The following DHX36 variants were observed in gnomAD, a reference collection of about 807,000 sequenced individuals.
DHX36 encodes the protein ATP-dependent DNA/RNA helicase DHX36.
A neutral mutation model predicts 139.0 loss-of-function variants in DHX36; 50 were observed. The ratio of observed to expected loss-of-function variants is 0.36; its 90% CI spans 0.29 to 0.46. The LOEUF is 0.46. DHX36 is among the 20% of genes least tolerant of loss of function. The probability of loss-of-function intolerance (pLI) is 1.00; values close to 1 mark genes in which losing one functional copy is unlikely to be tolerated. For missense variants in DHX36, 1,024 were observed against 1,211.3 expected (o/e 0.85, Z 2.29); for synonymous variants, 425 against 401.9 (o/e 1.06, Z -0.69).
chr3:154,320,210 A>G lies in DHX36; in HGVS notation c.243+3964T>C, dbSNP rs112804384. Among the ~76,000 whole-genome samples, 742 of 152,202 alleles carry G rather than the reference A, an allele frequency of 4.9e-3. 5 individuals carry two copies. Among genetic ancestry groups the G allele is most frequent in the African/African-American group, 0.017 (698 of 41,524 alleles). ...CACACACCTTATTTTTCTCTTCTCT[A>G]GCTGATCTTTCCTAGATTATTTTGT... is the stretch of plus-strand genomic sequence containing the variant. On this transcript the variant is annotated intron_variant, in intron 1 of 24. Transcript: ENST00000496811.
chr3:154,286,166 C>CA (rs60041573), intron 17 of DHX36, among the ~76,000 whole-genome samples: 4,598 of 16,444 alleles, frequency 0.28, 632 homozygotes, highest in Non-Finnish European at 0.33. Context: ...TTCCACACAC[C>CA]AAAAAAAAAA....
rs530915349 is a variant in DHX36, at chr3:154,324,469, C to T, written c.-53G>A. The T allele has an allele frequency of 1.1e-5, 16 of 1,437,246 alleles. No individual in the cohort carries two copies. In the African/African-American group the frequency reaches 2.0e-4, roughly 18 times the overall value. The allele number at this position is 1,437,246 out of a possible 1,614,324, so 89.0% of individuals were successfully genotyped here. On this transcript the variant is annotated 5_prime_UTR_variant, in exon 1 of 25. Coordinates refer to ENST00000496811, the MANE Select transcript of DHX36 (RefSeq NM_020865.3). ...ACCAGCAACCGCTGGAAATGGCGTC[C>T]GGGCCCGGAAGCCACTGTGCGCCCA... is the stretch of plus-strand genomic sequence containing the variant.
intron 5 of DHX36, among the ~76,000 whole-genome samples, chr3:154,309,149 C>T (rs777618861): frequency 6.6e-5 from 10 of 152,016 alleles, no homozygotes; most frequent in Non-Finnish European, 1.2e-4. Flanking sequence ...GTTATCACCA[C>T]TGCGCTCCAG....
chr3:154,276,218 T>C lies in DHX36; in HGVS notation c.2980A>G (p.Thr994Ala). Residue 994 changes from threonine to alanine, a missense_variant, in exon 25 of 25, where the codon ACT (threonine) becomes GCT (alanine). Thr to Ala is a moderately conservative substitution (Grantham distance 58). This residue lies in a region of DHX36 where 470 missense variants were observed against 616.2 expected (regional missense o/e 0.76). Transcript: ENST00000496811. ...AATCGTGGCGGAAAGTTCCTGGGAG[T>C]TGCCTTTTCCTGTGTTTTGATCAAG... ...IDLIKTQEKA[T>A]PRNFPPRFQD... is the part of the protein sequence containing the mutation. 6.2e-7 allele frequency: 1 copy of C among 1,612,892 alleles called. No individual in the cohort carries two copies. Among genetic ancestry groups the C allele is most frequent in the Non-Finnish European group, 8.5e-7 (1 of 1,179,516 alleles).
chr3:154,324,437 C>T lies in DHX36; in HGVS notation c.-21G>A. On this transcript the variant is annotated 5_prime_UTR_variant, in exon 1 of 25. Coordinates refer to ENST00000496811, the MANE Select transcript of DHX36 (RefSeq NM_020865.3). ...CTCATTGTCCTGGCAGACTACAACC[C>T]GTCAGAACCAGCAACCGCTGGAAAT... The T allele has an allele frequency of 6.8e-7, 1 of 1,463,480 alleles. No homozygotes were observed. The highest frequency in any genetic ancestry group is 9.0e-7 in the Non-Finnish European group (1 of 1,110,092). 90.7% of individuals were successfully genotyped at this position (1,463,480 alleles called of 1,614,324 possible).
intron 8 of DHX36, 96 bp from the exon 9 acceptor site, chr3:154,303,506 T>C: frequency 1.1e-6 from 1 of 881,150 alleles, no homozygotes; most frequent in Non-Finnish European, 1.7e-6. Flanking sequence ...TACTTACTAT[T>C]AATTCCAGAA....
intron 9 of DHX36, among the ~76,000 whole-genome samples, chr3:154,302,658 T>A (rs2108353293): frequency 6.6e-6 from 1 of 152,160 alleles, no homozygotes; most frequent in Middle Eastern, 3.4e-3. Context: ...CTGGGGGAAA[T>A]TATATTTAAA....
At chr3:154,317,870 C>T (rs1425052909) in intron 1 of DHX36, among the ~76,000 whole-genome samples, 1 of 151,898 alleles carries the variant, frequency 6.6e-6, no homozygotes, top group Non-Finnish European at 1.5e-5. Flanking sequence ...AAACTAATGA[C>T]CCAGTACACA....
At chr3:154,322,410 G>C (rs1444992814) in intron 1 of DHX36, among the ~76,000 whole-genome samples, 1 of 152,218 alleles carries the variant, frequency 6.6e-6, no homozygotes, top group Non-Finnish European at 1.5e-5. Context: ...GAGCAAGAAT[G>C]GAAGCTAGAT....
At position 154,284,566 on chromosome 3, in the gene DHX36, A is replaced by C. The variant is rs533904004; in HGVS notation, c.2292+17T>G. On this transcript the variant is annotated intron_variant, in intron 19 of 24. Transcript: ENST00000496811. ...GAATAAACTATCATAATCCAGGACA[A>C]AATTTTTTTTTTTTACCTCAAACGC... is the stretch of plus-strand genomic sequence containing the variant. The C allele has an allele frequency of 6.5e-6, 10 of 1,548,042 alleles. No homozygotes were observed. In the East Asian group the frequency reaches 2.2e-4, roughly 35 times the overall value.
chr3:154,324,400 T>C lies in DHX36; in HGVS notation c.17A>G (p.His6Arg). ...ACCCCCATCACGGCCCCAGTTCTGA[T>C]GGTAGTCATAACTCATTGTCCTGGC... MSYDY[H>R]QNWGRDGGPR... is the part of the protein sequence containing the mutation. Residue 6 changes from histidine to arginine, a missense_variant, in exon 1 of 25, where the codon CAT becomes CGT. His to Arg is a conservative substitution (Grantham distance 29, BLOSUM62 0). Around this residue, in one of 4 missense-constraint regions of DHX36, gnomAD observed 293 missense variants for 274.4 expected, o/e 1.07. Transcript: ENST00000496811. The C allele has an allele frequency of 1.3e-6, 2 of 1,560,640 alleles. No homozygotes were observed. Among genetic ancestry groups the C allele is most frequent in the East Asian group, 2.3e-5 (1 of 43,964 alleles).
rs866373829 is a variant in DHX36, at chr3:154,310,849, A to G, written c.642+787T>C. On this transcript the variant is annotated intron_variant, in intron 4 of 24. Coordinates refer to ENST00000496811, the MANE Select transcript of DHX36 (RefSeq NM_020865.3). ...TATATATATATATATATATATATAT[A>G]TATGTATATACATATATATATATTC... Among the ~76,000 whole-genome samples the G allele has an allele frequency of 6.5e-5, 7 of 107,936 alleles. 2 individuals are homozygous for G. Among genetic ancestry groups the G allele is most frequent in the Admixed American group, 1.2e-4 (1 of 8,676 alleles). The allele number at this position is 107,936 out of a possible 152,430, so 70.8% of individuals were successfully genotyped here. A position where few individuals can be genotyped will look rare whatever the true frequency, so the allele number is the denominator to read the frequency against.
intron 1 of DHX36, among the ~76,000 whole-genome samples, chr3:154,319,475 G>C (rs1713108999): frequency 6.6e-6 from 1 of 151,270 alleles, no homozygotes; most frequent in African/African-American, 2.4e-5. Context: ...TCCTCAGTTG[G>C]TTATCACCAA....
At chr3:154,280,886 G>T (rs752478425) in intron 20 of DHX36, 24 bp from the exon 21 acceptor site, 3 of 1,553,488 alleles carry the variant, frequency 1.9e-6, no homozygotes, top group African/African-American at 1.4e-5. Context: ...GTAACAAATA[G>T]AACTAGAATA....
intron 16 of DHX36, 108 bp downstream of exon 16, chr3:154,289,599 TTG>T: frequency 2.9e-6 from 2 of 698,698 alleles, no homozygotes; most frequent in South Asian, 3.7e-5. Flanking sequence ...ATGAAATAAA[TTG>T]TGAGTTAATA....
chr3:154,280,971 A>C (rs1719317254), intron 20 of DHX36, 109 bp from the exon 21 acceptor site: 1 of 787,424 alleles, frequency 1.3e-6, no homozygotes, highest in Non-Finnish European at 2.0e-6. Flanking sequence ...CTTTATGAAA[A>C]CACTTTAGCA....
intron 9 of DHX36, among the ~76,000 whole-genome samples, chr3:154,302,384 A>G (rs1341596475): frequency 6.6e-6 from 1 of 152,206 alleles, no homozygotes; most frequent in Admixed American, 6.5e-5. Flanking sequence ...TAAGTGGAGG[A>G]TAATTATTAA....
At chr3:154,302,421 A>G (rs1221218200) in intron 9 of DHX36, among the ~76,000 whole-genome samples, 2 of 152,168 alleles carry the variant, frequency 1.3e-5, no homozygotes, top group East Asian at 3.9e-4. Flanking sequence ...TGGGCAAGAC[A>G]CATTGTTTTA....
chr3:154,306,361 G>T, intron 5 of DHX36, 66 bp from the exon 6 acceptor site: 1 of 1,353,354 alleles, frequency 7.4e-7, no homozygotes, highest in Non-Finnish European at 1.0e-6. Context: ...GAATGTCCAT[G>T]AAAATCTAGG....
Sources: gnomAD v4.1 joint callset for allele counts (sites outside exome capture counted in the v4.1 genomes callset) on GRCh38, gnomAD v4.1.1 for gene constraint, gnomAD v4.1.1 regional missense constraint, MANE v1.5 for transcripts, NCBI Gene and HGNC (gene_info 2026-07-23, HGNC 2026-07-21) for gene names.